Variants in ARHGEF12 observed in about 807,000 individuals in gnomAD.
ARHGEF12 encodes KMT2A/ARHGEF12 fusion protein.
Under a neutral mutation model 211.2 loss-of-function variants are expected in ARHGEF12, and 66 were observed. The ratio of observed to expected loss-of-function variants is 0.31; its 90% confidence interval spans 0.26 to 0.38. ARHGEF12 has a LOEUF of 0.38. ARHGEF12 is among the 10% of genes least tolerant of loss of function. The pLI is 1.00. For synonymous variants in ARHGEF12, 592 were observed against 638.4 expected (o/e 0.93, Z 1.09); for missense variants, 1,429 against 1,869.5 (o/e 0.76, Z 4.34).
intron 4 of ARHGEF12, among the ~76,000 whole-genome samples, chr11:120,415,425 T>C (rs777843668): frequency 6.6e-6 from 1 of 152,180 alleles, no homozygotes; most frequent in Non-Finnish European, 1.5e-5. Context: ...ATAACTAGTA[T>C]GGACAGATGC....
At chr11:120,378,263 A>G (rs761174360) in intron 1 of ARHGEF12, among the ~76,000 whole-genome samples, 1 of 152,184 alleles carries the variant, frequency 6.6e-6, no homozygotes, top group African/African-American at 2.4e-5. Context: ...TTCTCTAATG[A>G]TGAATGATAT....
At chr11:120,373,609 T>C (rs181898703) in intron 1 of ARHGEF12, among the ~76,000 whole-genome samples, 1 of 152,204 alleles carries the variant, frequency 6.6e-6, no homozygotes, top group Admixed American at 6.5e-5. Context: ...TATTCTATTA[T>C]ATAATTGTAT....
chr11:120,446,323 C>T (rs1185789384), intron 16 of ARHGEF12, 80 bp from the exon 17 acceptor site: 21 of 999,220 alleles, frequency 2.1e-5, no homozygotes, highest in East Asian at 1.6e-4. Flanking sequence ...TTAATTTGTA[C>T]GAAGTAGCAT....
intron 1 of ARHGEF12, among the ~76,000 whole-genome samples, chr11:120,399,616 T>G (rs912746955): frequency 7.2e-5 from 11 of 152,234 alleles, no homozygotes; most frequent in Non-Finnish European, 1.3e-4. Context: ...AGTATAGTTT[T>G]GGTTGTTTTC....
At chr11:120,399,052 T>A (rs1944472131) in intron 1 of ARHGEF12, among the ~76,000 whole-genome samples, 1 of 152,008 alleles carries the variant, frequency 6.6e-6, no homozygotes, top group African/African-American at 2.4e-5. Flanking sequence ...CAGTGTCTCA[T>A]GCCTGTAATC....
Position 120,347,266 on chromosome 11 carries a change from C to CTCTGTG in ARHGEF12, c.32+9992_32+9993insCTGTGT, listed in dbSNP as rs1426650315. ...TCTGTTTCTCTCTCTCTCTCTCTCT[C>CTCTGTG]TGTCTGTGTGTGTGTGTGTGTGTGT... On this transcript the variant is annotated intron_variant, in intron 1 of 40. Transcript: ENST00000397843. Among the ~76,000 whole-genome samples the CTCTGTG allele has an allele frequency of 4.8e-4, 64 of 133,592 alleles. 1 individual carries two copies. In the South Asian group the frequency reaches 0.01, roughly 21 times the overall value. 87.6% of individuals were successfully genotyped at this position (133,592 alleles called of 152,430 possible).
rs1944696357 is a variant in ARHGEF12 at position 120,406,124 on chromosome 11, C to T, written c.39C>T (p.Pro13=). ...TATTTTTTCTTTGTTTCAGGTTTCC[C>T]CTCAAAAAACCTATAAGGTAAGTTT... is the stretch of plus-strand genomic sequence containing the variant. ...GTQSTITDRF[P]LKKPIRHGSI... The change falls in exon 2 of 41, where the codon CCC becomes CCT. Residue 13 remains proline, a synonymous_variant. Transcript: ENST00000397843. 5 of 1,536,338 alleles carry T rather than the reference C, an allele frequency of 3.3e-6. No homozygotes were observed. The highest frequency in any genetic ancestry group is 4.4e-6 in the Non-Finnish European group (5 of 1,146,316).
intron 38 of ARHGEF12, 113 bp from the exon 39 acceptor site, chr11:120,481,147 T>C: frequency 1.1e-6 from 1 of 926,296 alleles, no homozygotes; most frequent in Non-Finnish European, 1.6e-6. Context: ...CAGGAATTAA[T>C]GGCTTTTCCC....
intron 39 of ARHGEF12, among the ~76,000 whole-genome samples, chr11:120,482,288 A>C (rs1947268570): frequency 6.6e-6 from 1 of 152,190 alleles, no homozygotes; most frequent in African/African-American, 2.4e-5. Flanking sequence ...ATTAGGTGAC[A>C]TTGGCAGCTT....
At chr11:120,474,469 A>C in intron 31 of ARHGEF12, 91 bp from the exon 32 acceptor site, 1 of 799,728 alleles carries the variant, frequency 1.3e-6, no homozygotes, top group East Asian at 2.9e-5. Context: ...TTTTATATTA[A>C]GAATTTCTTT....
chr11:120,371,963 A>G (rs1943600886), intron 1 of ARHGEF12, among the ~76,000 whole-genome samples: 1 of 152,264 alleles, frequency 6.6e-6, no homozygotes. Context: ...AGGGGAAAAC[A>G]GAAAGCAGCA....
intron 1 of ARHGEF12, among the ~76,000 whole-genome samples, chr11:120,391,427 A>T (rs1944213704): frequency 6.6e-6 from 1 of 152,238 alleles, no homozygotes; most frequent in Non-Finnish European, 1.5e-5. Context: ...GGAATTAAAT[A>T]GCTCTATCTA....
At chr11:120,449,019 C>A in intron 20 of ARHGEF12, 90 bp from the exon 21 acceptor site, 1 of 1,094,110 alleles carries the variant, frequency 9.1e-7, no homozygotes, top group Non-Finnish European at 1.3e-6. Context: ...TTAACAATTT[C>A]TTTGAACTAA....
chr11:120,416,663 CT>C (rs962261688), intron 4 of ARHGEF12, among the ~76,000 whole-genome samples: 24 of 149,424 alleles, frequency 1.6e-4, no homozygotes, highest in East Asian at 3.9e-4. Flanking sequence ...AATTGATCCT[CT>C]TTTTTTTTTG....
chr11:120,468,051 C>G (rs919536874), intron 29 of ARHGEF12, among the ~76,000 whole-genome samples: 5 of 152,162 alleles, frequency 3.3e-5, no homozygotes, highest in South Asian at 2.1e-4. Context: ...AAGGTTCATC[C>G]TTGGCTGAAG....
At chr11:120,345,712 A>G (rs184517073) in intron 1 of ARHGEF12, among the ~76,000 whole-genome samples, 1 of 151,526 alleles carries the variant, frequency 6.6e-6, no homozygotes, top group East Asian at 1.9e-4. Context: ...AAAAAAAAAA[A>G]AAAAAAAAAC....
intron 1 of ARHGEF12, among the ~76,000 whole-genome samples, chr11:120,345,274 A>G (rs1046083524): frequency 2.0e-5 from 3 of 152,218 alleles, no homozygotes; most frequent in African/African-American, 7.2e-5. Flanking sequence ...AACTAGAGCA[A>G]ACCTCTTTGC....
chr11:120,481,070 C>T (rs1947220074), intron 38 of ARHGEF12, among the ~76,000 whole-genome samples, 190 bp from the exon 39 acceptor site: 1 of 152,080 alleles, frequency 6.6e-6, no homozygotes, highest in African/African-American at 2.4e-5. Flanking sequence ...TGGAAATTAC[C>T]ATGAAAGTTT....
chr11:120,354,373 C>T (rs566562777), intron 1 of ARHGEF12, among the ~76,000 whole-genome samples: 1 of 152,326 alleles, frequency 6.6e-6, no homozygotes, highest in South Asian at 2.1e-4. Flanking sequence ...AGTCTTCTCA[C>T]TGGCCATCTT....
Sources: allele counts gnomAD v4.1 joint callset (sites outside exome capture counted in the v4.1 genomes callset), GRCh38; gene constraint gnomAD v4.1.1; transcripts MANE v1.5; gene names NCBI Gene and HGNC (gene_info 2026-07-23, HGNC 2026-07-21).